Variants in RPH3AL observed in about 807,000 individuals in gnomAD.
RPH3AL encodes rab effector Noc2.
Under a neutral mutation model 43.1 loss-of-function variants are expected in RPH3AL, and 38 were observed. That is an observed-to-expected ratio of 0.88 (90% CI 0.68 to 1.15). The LOEUF is 1.15. Ranked by LOEUF, RPH3AL falls within the 50% of genes most tolerant of loss-of-function variation. The pLI, the probability that RPH3AL is intolerant of heterozygous loss-of-function variation, is 0.00. For missense variants in RPH3AL, 462 were observed against 423.2 expected, an observed-to-expected ratio of 1.09 and a Z score of -0.81; for synonymous variants, 189 against 176.3, an observed-to-expected ratio of 1.07 and a Z score of -0.57.
chr17:264,739 A>T lies in RPH3AL; in HGVS notation c.438+17029T>A, dbSNP rs117443432. ...CCACCTGTGACCGGTATCAGCAAAA[A>T]TGGAACACAGAATGCAGCCATTCTT... On this transcript the variant is annotated intron_variant, in intron 6 of 9. Coordinates refer to ENST00000331302, the MANE Select transcript of RPH3AL (RefSeq NM_006987.4). This position sits in a 1 kb window ranked among gnomAD's most constrained non-coding sequence, Gnocchi z 4.8. Among the ~76,000 whole-genome samples, 425 of 152,326 alleles carry T rather than the reference A, an allele frequency of 2.8e-3. 3 individuals are homozygous for T. The highest frequency in any genetic ancestry group is 9.6e-3 in the African/African-American group (400 of 41,584).
chr17:273,928 C>G lies in RPH3AL; in HGVS notation c.438+7840G>C, dbSNP rs72806009. ...CTTCACCCCTTTCTAGGCCACCCCC[C>G]CTCAGATAACATCTGTGTCCTCCAA... is the stretch of plus-strand genomic sequence containing the variant. On this transcript the variant is annotated intron_variant, in intron 6 of 9. Coordinates refer to ENST00000331302, the MANE Select transcript of RPH3AL (RefSeq NM_006987.4). 6.8e-3 allele frequency among the ~76,000 whole-genome samples: 1,030 copies of G among 152,304 alleles called. 5 individuals carry two copies. In the Middle Eastern group the frequency reaches 0.078, roughly 12 times the overall value.
In RPH3AL at chr17:322,856, T is replaced by C. The variant is rs1394196166; in HGVS notation, c.78-1441A>G. 6.6e-6 allele frequency among the ~76,000 whole-genome samples: 1 copy of C among 152,064 alleles called. No individual in the cohort carries two copies. Among genetic ancestry groups the C allele is most frequent in the Non-Finnish European group, 1.5e-5 (1 of 67,996 alleles). ...TCTGTCAGGGGGAGCTGGGGGCTGA[T>C]GAATGTGAAGATCTAGGGTTTGGAG... On this transcript the variant is annotated intron_variant, in intron 3 of 9. Coordinates refer to ENST00000331302, the MANE Select transcript of RPH3AL (RefSeq NM_006987.4). The surrounding 1 kb of genome is among the most constrained non-coding windows in gnomAD (Gnocchi z 4.0).
intron 5 of RPH3AL, among the ~76,000 whole-genome samples, chr17:295,298 GACGGGCAGAGGGA>G (rs1470992264): frequency 2.0e-5 from 3 of 149,532 alleles, no homozygotes; most frequent in East Asian, 2.0e-4. Context: ...TGCAGAAATG[GACGGGCAGAGGGA>G]ATGCACATCA....
intron 5 of RPH3AL, among the ~76,000 whole-genome samples, chr17:316,628 A>G (rs370256429): frequency 0.012 from 179 of 14,628 alleles, no homozygotes; most frequent in Middle Eastern, 0.045. Context: ...TAGTCCCTGT[A>G]CTCCACCTCC....
Position 274,883 on chromosome 17 carries a change from C to T in RPH3AL, c.438+6885G>A, listed in dbSNP as rs1263477443. On this transcript the variant is annotated intron_variant, in intron 6 of 9. Transcript: ENST00000331302. The surrounding 1 kb of genome is among the most constrained non-coding windows in gnomAD (Gnocchi z 4.7). ...CTAGGAAACATAAAGACGGGCCTTA[C>T]TAATAAAATAGAAAACCAAAAGAAG... Among the ~76,000 whole-genome samples, 2 of 152,108 alleles carry T rather than the reference C, an allele frequency of 1.3e-5. No homozygotes were observed. Among genetic ancestry groups the T allele is most frequent in the East Asian group, 3.9e-4 (2 of 5,182 alleles).
intron 7 of RPH3AL, among the ~76,000 whole-genome samples, chr17:240,865 C>A (rs964585083): frequency 1.3e-5 from 2 of 151,962 alleles, no homozygotes; most frequent in Non-Finnish European, 2.9e-5. Context: ...CGAGACCAGC[C>A]TGGCCAACAC....
At chr17:299,071 GGGA>G in intron 5 of RPH3AL, among the ~76,000 whole-genome samples, 1 of 151,984 alleles carries the variant, frequency 6.6e-6, no homozygotes, top group East Asian at 1.9e-4. Flanking sequence ...TTCGGGGGGA[GGGA>G]GGGGGACAGT....
chr17:279,352 C>T (rs556460891), intron 6 of RPH3AL, among the ~76,000 whole-genome samples: 6 of 152,266 alleles, frequency 3.9e-5, no homozygotes, highest in South Asian at 2.1e-4. Flanking sequence ...ATGCCTGGTG[C>T]TGCAGAGAGG....
chr17:331,255 C>CGG, intron 2 of RPH3AL: 1 of 40,784 alleles, frequency 2.5e-5, no homozygotes, highest in Non-Finnish European at 5.0e-5. Flanking sequence ...AGAAGAGCCA[C>CGG]AGAGCCAAAT....
At chr17:243,036 A>T (rs71369974) in intron 7 of RPH3AL, among the ~76,000 whole-genome samples, 23,929 of 67,558 alleles carry the variant, frequency 0.35, 6,830 homozygotes, top group East Asian at 0.62. Flanking sequence ...CCTCTATTGA[A>T]TACCATCCTC....
chr17:327,214 G>A (rs1276342702), intron 3 of RPH3AL, among the ~76,000 whole-genome samples: 3 of 152,224 alleles, frequency 2.0e-5, no homozygotes, highest in Admixed American at 1.3e-4. Context: ...TTGCAGCCCT[G>A]CCACCCACAA....
intron 1 of RPH3AL, among the ~76,000 whole-genome samples, chr17:335,019 C>T (rs1023295607): frequency 9.2e-5 from 14 of 152,246 alleles, no homozygotes; most frequent in African/African-American, 2.9e-4. Context: ...ATAACTGAGG[C>T]TTCAGACTCC....
intron 8 of RPH3AL, among the ~76,000 whole-genome samples, chr17:218,762 C>T (rs532643177): frequency 1.3e-5 from 2 of 152,334 alleles, no homozygotes; most frequent in South Asian, 4.1e-4. Context: ...ATCTCCAAGT[C>T]AGAAGGCGCT....
intron 7 of RPH3AL, among the ~76,000 whole-genome samples, chr17:223,568 G>T (rs981820627): frequency 6.6e-6 from 1 of 152,212 alleles, no homozygotes; most frequent in African/African-American, 2.4e-5. Flanking sequence ...TCTATACTGC[G>T]GTGGCTAGCA....
intron 5 of RPH3AL, among the ~76,000 whole-genome samples, chr17:302,791 G>A (rs900852603): frequency 1.3e-5 from 2 of 152,216 alleles, no homozygotes; most frequent in African/African-American, 2.4e-5. Flanking sequence ...GTCATGGGAC[G>A]ATGTTTTTGA....
intron 1 of RPH3AL, among the ~76,000 whole-genome samples, chr17:347,747 G>A (rs929978292): frequency 6.6e-6 from 1 of 152,186 alleles, no homozygotes; most frequent in Non-Finnish European, 1.5e-5. Context: ...GCACACTCAT[G>A]TTGACTAAAT....
At position 333,167 on chromosome 17, in the gene RPH3AL, CGT is replaced by C. The variant is rs1567532195; in HGVS notation, c.-37+590_-37+591del. The C allele has an allele frequency of 8.4e-7, 1 of 1,185,854 alleles. No individual in the cohort carries two copies. Among genetic ancestry groups the C allele is most frequent in the Non-Finnish European group, 1.1e-6 (1 of 937,770 alleles). The allele number at this position is 1,185,854 out of a possible 1,614,324, so 73.5% of individuals were successfully genotyped here. A position where few individuals can be genotyped will look rare whatever the true frequency, so the allele number is the denominator to read the frequency against. On this transcript the variant is annotated intron_variant, in intron 2 of 9. Transcript: ENST00000331302. The surrounding 1 kb of genome is among the most constrained non-coding windows in gnomAD (Gnocchi z 4.5). ...ATTAGAGCTCACCACCCCGGGCGTT[CGT>C]CACTGCAGACATCACTGCAGACACA...
rs979239034 is a variant in RPH3AL at position 323,179 on chromosome 17, G to A, written c.78-1764C>T. Among the ~76,000 whole-genome samples the A allele has an allele frequency of 6.6e-6, 1 of 151,968 alleles. No homozygotes were observed. Among genetic ancestry groups the A allele is most frequent in the Non-Finnish European group, 1.5e-5 (1 of 67,986 alleles). ...GAGGGAGGCGGGTTCAGGCAGAGGAGATCACACACGAAAGGCAGGGGGCAT... is the reference window on the plus strand; with the variant it reads ...GAGGGAGGCGGGTTCAGGCAGAGGAAATCACACACGAAAGGCAGGGGGCAT... On this transcript the variant is annotated intron_variant, in intron 3 of 9. Transcript: ENST00000331302. The surrounding 1 kb of genome is among the most constrained non-coding windows in gnomAD (Gnocchi z 4.4).
chr17:286,230 C>T (rs777627278), intron 5 of RPH3AL, among the ~76,000 whole-genome samples: 5 of 152,314 alleles, frequency 3.3e-5, no homozygotes, highest in African/African-American at 4.8e-5. Flanking sequence ...ACAGGAGCAG[C>T]GTGGACCAGT....
Sources: allele counts gnomAD v4.1 joint callset (sites outside exome capture counted in the v4.1 genomes callset), GRCh38; gene constraint gnomAD v4.1.1; non-coding constraint Gnocchi (gnomAD v3.1); transcripts MANE v1.5; gene names NCBI Gene and HGNC (gene_info 2026-07-23, HGNC 2026-07-21).